The following MDFIC2 variants were observed in gnomAD, a reference collection of about 807,000 sequenced individuals.
The protein encoded by MDFIC2 is MyoD family inhibitor domain containing 2.
At chr3:70,206,427 A>G (rs1701291306) in intron 3 of MDFIC2, 142 bp downstream of exon 3, 1 of 393,574 alleles carries the variant, frequency 2.5e-6, no homozygotes, top group East Asian at 3.6e-5. Flanking sequence ...GACATATGTC[A>G]TTCACCAGAG....
intron 2 of MDFIC2, among the ~76,000 whole-genome samples, chr3:70,220,983 G>T (rs140355649): frequency 1.3e-5 from 2 of 152,276 alleles, no homozygotes; most frequent in Non-Finnish European, 2.9e-5. Context: ...GGTAGGTAAT[G>T]ACATGTTTTA....
intron 2 of MDFIC2, among the ~76,000 whole-genome samples, chr3:70,288,443 T>G (rs1423976361): frequency 6.6e-6 from 1 of 151,286 alleles, no homozygotes; most frequent in Non-Finnish European, 1.5e-5. Flanking sequence ...ATAATTTCTG[T>G]TCTTTTGCAT....
chr3:70,209,139 C>T (rs904777933), intron 2 of MDFIC2, among the ~76,000 whole-genome samples: 1 of 151,926 alleles, frequency 6.6e-6, no homozygotes, highest in African/African-American at 2.4e-5. Context: ...GCTAATATTG[C>T]AGATAGATGG....
chr3:70,308,409 G>T (rs1702423657), intron 2 of MDFIC2, among the ~76,000 whole-genome samples: 1 of 152,028 alleles, frequency 6.6e-6, no homozygotes, highest in Non-Finnish European at 1.5e-5. Flanking sequence ...TTAAAAGAGG[G>T]TTTCTCCAAG....
chr3:70,291,054 A>C (rs6779542), intron 2 of MDFIC2: 31,798 of 152,548 alleles, frequency 0.21, 3,524 homozygotes, highest in South Asian at 0.28. Flanking sequence ...TAGACCAGAG[A>C]TGTTCCTATT....
intron 1 of MDFIC2, 119 bp from the exon 2 acceptor site, chr3:70,312,092 T>G (rs1405860831): frequency 2.6e-6 from 1 of 390,680 alleles, no homozygotes; most frequent in African/African-American, 2.1e-5. Context: ...CTATAGTTTT[T>G]CAGTTCACTG....
At chr3:70,204,304 C>A (rs957308035) in intron 3 of MDFIC2, among the ~76,000 whole-genome samples, 12 of 151,840 alleles carry the variant, frequency 7.9e-5, no homozygotes, top group African/African-American at 2.4e-4. Flanking sequence ...CGAACAATGA[C>A]CCCAGCTCTC....
At chr3:70,241,570 A>AT (rs1575604715) in intron 2 of MDFIC2, among the ~76,000 whole-genome samples, 2 of 152,048 alleles carry the variant, frequency 1.3e-5, no homozygotes, top group South Asian at 4.1e-4. Context: ...TCTTGTTAGT[A>AT]TTTTTCTCAT....
chr3:70,205,214 G>A (rs142804881), intron 3 of MDFIC2: 1 of 152,116 alleles, frequency 6.6e-6, no homozygotes, highest in Non-Finnish European at 1.5e-5. Flanking sequence ...TCAATATCTG[G>A]CAACTCTGGC....
intron 2 of MDFIC2, among the ~76,000 whole-genome samples, chr3:70,265,943 T>C (rs1026474910): frequency 6.6e-6 from 1 of 152,154 alleles, no homozygotes; most frequent in Admixed American, 6.5e-5. Flanking sequence ...TACCTCCACC[T>C]GGTCTCCCCC....
intron 3 of MDFIC2, among the ~76,000 whole-genome samples, chr3:70,203,719 T>A (rs1701265157): frequency 6.6e-6 from 1 of 152,176 alleles, no homozygotes; most frequent in African/African-American, 2.4e-5. Context: ...TTGAGGTATC[T>A]TGTATTTATG....
At chr3:70,200,534 C>T (rs1701227203) in intron 3 of MDFIC2, among the ~76,000 whole-genome samples, 2 of 152,174 alleles carry the variant, frequency 1.3e-5, no homozygotes, top group Non-Finnish European at 2.9e-5. Flanking sequence ...AACTCCTATT[C>T]AAACATTTAA....
intron 2 of MDFIC2, among the ~76,000 whole-genome samples, chr3:70,250,152 T>C (rs1183967877): frequency 6.6e-6 from 1 of 152,210 alleles, no homozygotes; most frequent in Admixed American, 6.6e-5. Flanking sequence ...TATTCTTCTC[T>C]GTTCAATAAA....
intron 2 of MDFIC2, among the ~76,000 whole-genome samples, chr3:70,215,019 T>G (rs1168946176): frequency 6.6e-6 from 1 of 152,138 alleles, no homozygotes; most frequent in African/African-American, 2.4e-5. Context: ...TCAATTTTTT[T>G]ACTATCAGTG....
intron 3 of MDFIC2, among the ~76,000 whole-genome samples, chr3:70,198,857 A>G (rs1483178752): frequency 1.3e-5 from 2 of 152,186 alleles, no homozygotes; most frequent in Non-Finnish European, 2.9e-5. Context: ...CTCATAAGTC[A>G]CCACAAACCT....
chr3:70,293,115 C>T (rs915331112), intron 2 of MDFIC2, among the ~76,000 whole-genome samples: 1 of 150,132 alleles, frequency 6.7e-6, no homozygotes, highest in Non-Finnish European at 1.5e-5. Flanking sequence ...CAGTATTCAC[C>T]AACTGCTGCT....
intron 2 of MDFIC2, among the ~76,000 whole-genome samples, chr3:70,221,202 A>G (rs1171981917): frequency 6.6e-6 from 1 of 152,176 alleles, no homozygotes; most frequent in Non-Finnish European, 1.5e-5. Context: ...ATACCCATTC[A>G]TCCATTCATT....
At chr3:70,278,725 T>G (rs947963865) in intron 2 of MDFIC2, among the ~76,000 whole-genome samples, 1 of 152,112 alleles carries the variant, frequency 6.6e-6, no homozygotes, top group African/African-American at 2.4e-5. Context: ...GGTTTTGAAA[T>G]CAGAGACATC....
chr3:70,278,932 G>C (rs1267122846), intron 2 of MDFIC2, among the ~76,000 whole-genome samples: 3 of 151,332 alleles, frequency 2.0e-5, no homozygotes, highest in African/African-American at 7.3e-5. Context: ...TCAATGAATA[G>C]TTTCTTTCTC....
Sources: gnomAD v4.1 joint callset for allele counts (sites outside exome capture counted in the v4.1 genomes callset) on GRCh38, gnomAD v4.1.1 for gene constraint, MANE v1.5 for transcripts, NCBI Gene and HGNC (gene_info 2026-07-23, HGNC 2026-07-21) for gene names.